TRIO: variants seen among roughly 807,000 people sequenced by gnomAD.
TRIO encodes trio Rho guanine nucleotide exchange factor.
In TRIO, 58 loss-of-function variants were observed where a neutral mutation model predicts 351.9. The ratio of observed to expected loss-of-function variants is 0.16; its 90% CI spans 0.13 to 0.21. The LOEUF (loss-of-function observed/expected upper bound fraction) is 0.21, where lower values mean the gene tolerates loss of function less well. Ranked by LOEUF, TRIO falls within the 10% of genes least tolerant of loss-of-function variation. The probability of loss-of-function intolerance (pLI) is 1.00; values close to 1 mark genes in which losing one functional copy is unlikely to be tolerated. For missense variants in TRIO, 3,201 were observed against 4,027.8 expected (o/e 0.79, Z 5.56); for synonymous variants, 1,758 against 1,595.7 (o/e 1.10, Z -2.42).
chr5:14,438,468 C>T (rs892763398), intron 34 of TRIO, among the ~76,000 whole-genome samples: 2 of 152,204 alleles, frequency 1.3e-5, no homozygotes, highest in African/African-American at 4.8e-5. Flanking sequence ...ATCACATTGT[C>T]GCTTCTGTAA....
chr5:14,162,880 C>T (rs1788553623), intron 1 of TRIO, among the ~76,000 whole-genome samples: 1 of 152,158 alleles, frequency 6.6e-6, no homozygotes, highest in African/African-American at 2.4e-5. Context: ...GATCTTGGCT[C>T]ACTGCAGCCT....
At position 14,488,227 on chromosome 5, in the gene TRIO, C is replaced by T; in HGVS notation, c.7599C>T (p.Ser2533=). ...GCATGAGCACGTGCTCCTCGGCCAG[C>T]GAGCAGTCCGTGCAGTCCACCCAGA... ...TDRMSTCSSA[S]EQSVQSTQSN... is the part of the protein sequence containing the mutation. The change falls in exon 48 of 57, where the codon AGC becomes AGT. Residue 2533 remains serine (S), a synonymous_variant. Transcript: ENST00000344204. The T allele has an allele frequency of 6.3e-7, 1 of 1,586,830 alleles. No homozygotes were observed. The highest frequency in any genetic ancestry group is 8.5e-7 in the Non-Finnish European group (1 of 1,173,934).
At chr5:14,360,756 C>T (rs964655687) in intron 13 of TRIO, among the ~76,000 whole-genome samples, 2 of 152,252 alleles carry the variant, frequency 1.3e-5, no homozygotes, top group African/African-American at 4.8e-5. Flanking sequence ...GCGCAGGACT[C>T]TCCTGGATGC....
chr5:14,410,825 G>A (rs968094148), intron 33 of TRIO, among the ~76,000 whole-genome samples: 6 of 152,190 alleles, frequency 3.9e-5, no homozygotes, highest in African/African-American at 1.4e-4. Context: ...TCAGCAGAGC[G>A]GGGTTAGCCA....
chr5:14,200,751 T>C (rs774389019), intron 1 of TRIO, among the ~76,000 whole-genome samples: 1 of 152,106 alleles, frequency 6.6e-6, no homozygotes, highest in Non-Finnish European at 1.5e-5. Context: ...TATGGAAATA[T>C]ACGACTCCTA....
chr5:14,391,317 C>G (rs1445113922), intron 27 of TRIO, among the ~76,000 whole-genome samples: 1 of 152,062 alleles, frequency 6.6e-6, no homozygotes, highest in Non-Finnish European at 1.5e-5. Flanking sequence ...ATTTTTTCAC[C>G]TGTAATACTG....
At chr5:14,263,193 T>C (rs356033) in intron 1 of TRIO, among the ~76,000 whole-genome samples, 2,036 of 152,296 alleles carry the variant, frequency 0.013, 23 homozygotes, top group South Asian at 0.026. Context: ...AACTCATATG[T>C]GTTGCTTTCT....
chr5:14,168,572 G>A (rs756140341), intron 1 of TRIO, among the ~76,000 whole-genome samples: 6 of 152,198 alleles, frequency 3.9e-5, no homozygotes, highest in Non-Finnish European at 8.8e-5. Context: ...TGACTTGTAT[G>A]GCTCTGGGTG....
At chr5:14,488,707 T>C (rs1756238140) in intron 48 of TRIO, 2 of 565,736 alleles carry the variant, frequency 3.5e-6, no homozygotes, top group Non-Finnish European at 6.3e-6. Flanking sequence ...TGCGGCATTT[T>C]TGACTCATCT....
At chr5:14,246,752 CTT>C (rs1039779927) in intron 1 of TRIO, among the ~76,000 whole-genome samples, 8 of 152,332 alleles carry the variant, frequency 5.3e-5, no homozygotes, top group African/African-American at 1.9e-4. Flanking sequence ...GGGTAACACT[CTT>C]TTGACTCAGC....
intron 37 of TRIO, among the ~76,000 whole-genome samples, chr5:14,468,412 C>T (rs957326419): frequency 1.3e-5 from 2 of 152,240 alleles, no homozygotes; most frequent in Non-Finnish European, 2.9e-5. Context: ...GAGCTCTCAA[C>T]CAGGTTTCAT....
chr5:14,148,933 C>T (rs1381341127), intron 1 of TRIO, among the ~76,000 whole-genome samples: 1 of 152,220 alleles, frequency 6.6e-6, no homozygotes, highest in Non-Finnish European at 1.5e-5. Context: ...ACAGGGTTCT[C>T]TTCGTCCTAT....
chr5:14,311,240 T>C (rs923063752), intron 8 of TRIO, among the ~76,000 whole-genome samples: 1 of 152,224 alleles, frequency 6.6e-6, no homozygotes, highest in Non-Finnish European at 1.5e-5. Context: ...ACTGGGCTGC[T>C]CCAGACGTTT....
chr5:14,278,375 T>C (rs1486621793), intron 2 of TRIO, among the ~76,000 whole-genome samples: 1 of 152,196 alleles, frequency 6.6e-6, no homozygotes, highest in East Asian at 1.9e-4. Flanking sequence ...ACTTGTGAGC[T>C]ACGGTGACCC....
chr5:14,251,691 C>G (rs77269272), intron 1 of TRIO, among the ~76,000 whole-genome samples: 17,900 of 152,196 alleles, frequency 0.12, 1,439 homozygotes, highest in African/African-American at 0.22. Flanking sequence ...AGCCTTCACC[C>G]TTGCTCACCT....
chr5:14,458,124 G>A (rs1331345284), intron 34 of TRIO, among the ~76,000 whole-genome samples: 2 of 150,940 alleles, frequency 1.3e-5, no homozygotes, highest in African/African-American at 2.4e-5. Context: ...TCAGGCATCC[G>A]GGCTGTCTCC....
At chr5:14,467,808 T>C (rs916101884) in intron 37 of TRIO, among the ~76,000 whole-genome samples, 1 of 151,966 alleles carries the variant, frequency 6.6e-6, no homozygotes, top group African/African-American at 2.4e-5. Context: ...TGAGACCCTA[T>C]ATCAAAAAAA....
intron 1 of TRIO, among the ~76,000 whole-genome samples, chr5:14,182,215 G>C (rs904754284): frequency 2.0e-5 from 3 of 152,148 alleles, no homozygotes; most frequent in African/African-American, 7.2e-5. Context: ...CCTCTGGGAA[G>C]TGGGAAGGAC....
At chr5:14,449,854 A>G (rs772344033) in intron 34 of TRIO, among the ~76,000 whole-genome samples, 26 of 152,252 alleles carry the variant, frequency 1.7e-4, no homozygotes, top group African/African-American at 7.2e-5. Context: ...GGATCTTACC[A>G]TCTGTTTTCA....
Sources: allele counts gnomAD v4.1 joint callset (sites outside exome capture counted in the v4.1 genomes callset), GRCh38; gene constraint gnomAD v4.1.1; transcripts MANE v1.5; gene names NCBI Gene and HGNC (gene_info 2026-07-23, HGNC 2026-07-21).